The following CRTC3 variants were observed in gnomAD, a reference collection of about 807,000 sequenced individuals.
CRTC3 encodes the protein CREB regulated transcription coactivator 3, also known as CREB-regulated transcription coactivator 3.
CRTC3 carries 26 observed loss-of-function variants against 74.5 expected under a neutral mutation model. The observed-to-expected ratio is 0.35, with a 90% CI of 0.26 to 0.48. CRTC3 has a LOEUF of 0.48. Ranked by LOEUF, CRTC3 falls within the 20% of genes least tolerant of loss-of-function variation. The probability of loss-of-function intolerance (pLI) is 0.99; values close to 1 mark genes in which losing one functional copy is unlikely to be tolerated. For synonymous variants in CRTC3, 377 were observed against 325.8 expected (o/e 1.16, Z -1.69); for missense variants, 760 against 787.3 (o/e 0.97, Z 0.41).
intron 2 of CRTC3, among the ~76,000 whole-genome samples, chr15:90,554,665 A>G (rs545471397): frequency 6.6e-6 from 1 of 152,292 alleles, no homozygotes; most frequent in East Asian, 1.9e-4. Flanking sequence ...TCCAAGTCCC[A>G]TTTCTATATT....
intron 6 of CRTC3, among the ~76,000 whole-genome samples, chr15:90,610,433 A>G (rs1453293536): frequency 6.6e-6 from 1 of 152,222 alleles, no homozygotes; most frequent in Non-Finnish European, 1.5e-5. Context: ...GCTTAACTAC[A>G]TGAGCAATAA....
intron 9 of CRTC3, 33 bp downstream of exon 9, chr15:90,619,823 G>A: frequency 1.3e-6 from 2 of 1,577,290 alleles, no homozygotes; most frequent in East Asian, 2.2e-5. Flanking sequence ...GTGTTTCAGG[G>A]ACTATCCTGA....
intron 2 of CRTC3, among the ~76,000 whole-genome samples, chr15:90,541,941 C>T (rs1349747713): frequency 2.0e-5 from 3 of 151,852 alleles, no homozygotes; most frequent in South Asian, 2.1e-4. Context: ...TGCACTACCA[C>T]GCCCAGCTAA....
At chr15:90,538,008 C>T (rs1966747733) in intron 1 of CRTC3, among the ~76,000 whole-genome samples, 1 of 152,160 alleles carries the variant, frequency 6.6e-6, no homozygotes, top group Non-Finnish European at 1.5e-5. Context: ...GGATTTATAA[C>T]TTAGTTTGGT....
chr15:90,606,964 C>G (rs530682831), intron 5 of CRTC3: 3 of 154,378 alleles, frequency 1.9e-5, no homozygotes, highest in Admixed American at 6.5e-5. Context: ...AAGGGTTTTG[C>G]AAACCACTGC....
intron 2 of CRTC3, among the ~76,000 whole-genome samples, chr15:90,575,234 C>G (rs963476659): frequency 6.6e-6 from 1 of 152,092 alleles, no homozygotes. Flanking sequence ...GCCTGCAATT[C>G]CAGCTACTCA....
intron 4 of CRTC3, among the ~76,000 whole-genome samples, chr15:90,602,668 CAA>C (rs1968102354): frequency 2.6e-5 from 4 of 151,874 alleles, no homozygotes; most frequent in Non-Finnish European, 5.9e-5. Flanking sequence ...ACAACAACAA[CAA>C]CAACAACAAC....
intron 6 of CRTC3, among the ~76,000 whole-genome samples, chr15:90,608,133 C>T (rs909698919): frequency 6.6e-6 from 1 of 152,084 alleles, no homozygotes; most frequent in African/African-American, 2.4e-5. Context: ...CTCAGTTGCC[C>T]CCTGGCCACT....
rs573712198 is a variant in CRTC3 at position 90,561,527 on chromosome 15, G to A, written c.231+21390G>A. ...GGCAGAAAGAATACCCACAGAGAAG[G>A]CACATGTGGGCGGTGGCAGTGTAGG... On this transcript the variant is annotated intron_variant, in intron 2 of 14. Transcript: ENST00000268184. Among the ~76,000 whole-genome samples, 3 of 152,256 alleles carry A rather than the reference G, an allele frequency of 2.0e-5. No individual in the cohort carries two copies. The South Asian group carries it at 6.2e-4, about 32-fold the overall frequency.
At chr15:90,578,406 G>A (rs1967457196) in intron 2 of CRTC3, among the ~76,000 whole-genome samples, 1 of 151,918 alleles carries the variant, frequency 6.6e-6, no homozygotes, top group Admixed American at 6.6e-5. Context: ...AATTAGCGAG[G>A]CGTGGTGGCA....
chr15:90,530,006 CG>C lies in CRTC3; in HGVS notation c.-63del. The C allele has an allele frequency of 2.4e-6, 3 of 1,244,476 alleles. No individual in the cohort carries two copies. The highest frequency in any genetic ancestry group is 2.1e-6 in the Non-Finnish European group (2 of 973,332). 77.1% of individuals were successfully genotyped at this position (1,244,476 alleles called of 1,614,324 possible). A position where few individuals can be genotyped will look rare whatever the true frequency, so the allele number is the denominator to read the frequency against. ...GCGGCCCCGGCGGCCTGTGGACGGA[CG>C]GGTGGGCCGAGGTACAGGCCCCACG... is the stretch of plus-strand genomic sequence containing the variant. On this transcript the variant is annotated 5_prime_UTR_variant, in exon 1 of 15. Coordinates refer to ENST00000268184, the MANE Select transcript of CRTC3 (RefSeq NM_022769.5). The surrounding 1 kb of genome is among the most constrained non-coding windows in gnomAD (Gnocchi z 6.2).
At chr15:90,571,074 T>C (rs971409838) in intron 2 of CRTC3, among the ~76,000 whole-genome samples, 9 of 152,186 alleles carry the variant, frequency 5.9e-5, no homozygotes, top group African/African-American at 2.2e-4. Flanking sequence ...TTTTTAATAA[T>C]AAAAGTCCAA....
At chr15:90,593,576 C>T (rs992325349) in intron 2 of CRTC3, 60 bp from the exon 3 acceptor site, 1 of 1,572,198 alleles carries the variant, frequency 6.4e-7, no homozygotes, top group South Asian at 1.1e-5. Context: ...ATCAGTTGTT[C>T]TTGAGGGTGA....
chr15:90,603,678 C>T (rs34358242), intron 4 of CRTC3, among the ~76,000 whole-genome samples: 30,578 of 152,030 alleles, frequency 0.2, 3,161 homozygotes, highest in Middle Eastern at 0.22. Context: ...AGATTTAGGA[C>T]ACATTTAAAA....
intron 9 of CRTC3, among the ~76,000 whole-genome samples, chr15:90,621,404 C>T (rs1968648491): frequency 6.6e-6 from 1 of 152,132 alleles, no homozygotes; most frequent in Non-Finnish European, 1.5e-5. Flanking sequence ...CTCACAGCAA[C>T]CTCTGCCTCC....
intron 10 of CRTC3, among the ~76,000 whole-genome samples, chr15:90,626,425 A>G (rs571238539): frequency 6.6e-6 from 1 of 152,346 alleles, no homozygotes; most frequent in South Asian, 2.1e-4. Flanking sequence ...AGTGGATATG[A>G]TGAAAATATT....
chr15:90,638,857 C>G (rs995514409), intron 13 of CRTC3, 42 bp downstream of exon 13: 1 of 1,480,060 alleles, frequency 6.8e-7, no homozygotes, highest in Non-Finnish European at 9.4e-7. Flanking sequence ...GGTGCATAAA[C>G]TGTACCATTT....
chr15:90,590,300 T>A (rs1388141102), intron 2 of CRTC3, among the ~76,000 whole-genome samples: 1 of 151,230 alleles, frequency 6.6e-6, no homozygotes, highest in African/African-American at 2.4e-5. Flanking sequence ...CTCAAAAAAA[T>A]AATAATAAAA....
Position 90,603,398 on chromosome 15 carries a change from A to G in CRTC3, c.414-987A>G, listed in dbSNP as rs562537148. On this transcript the variant is annotated intron_variant, in intron 4 of 14. Coordinates refer to ENST00000268184, the MANE Select transcript of CRTC3 (RefSeq NM_022769.5). ...GCGGAGCTTGCAGTGAGCCGAGATC[A>G]CGCCACTGCACTCCAGCCTGGGTGA... Among the ~76,000 whole-genome samples the G allele has an allele frequency of 9.3e-3, 1,415 of 152,052 alleles. 23 individuals carry two copies. The highest frequency in any genetic ancestry group is 0.031 in the African/African-American group (1,299 of 41,458).
Sources: gnomAD v4.1 joint callset for allele counts (sites outside exome capture counted in the v4.1 genomes callset) on GRCh38, gnomAD v4.1.1 for gene constraint, Gnocchi (gnomAD v3.1) non-coding constraint, MANE v1.5 for transcripts, NCBI Gene and HGNC (gene_info 2026-07-23, HGNC 2026-07-21) for gene names.